Variants in AKAP10 observed in about 807,000 individuals in gnomAD.
AKAP10 encodes A-kinase anchoring protein 10.
In AKAP10, 24 loss-of-function variants were observed where a neutral mutation model predicts 80.8. The ratio of observed to expected loss-of-function variants is 0.30; its 90% CI spans 0.22 to 0.42. The LOEUF is 0.42. Ranked by LOEUF, AKAP10 falls within the 10% of genes least tolerant of loss-of-function variation. AKAP10 has a pLI of 1.00. For synonymous variants in AKAP10, 291 were observed against 277.7 expected, an observed-to-expected ratio of 1.05 and a Z score of -0.48; for missense variants, 661 against 794.9, an observed-to-expected ratio of 0.83 and a Z score of 2.03.
chr17:19,942,971 C>T (rs2043065498), intron 5 of AKAP10, among the ~76,000 whole-genome samples: 2 of 152,038 alleles, frequency 1.3e-5, no homozygotes, highest in Non-Finnish European at 2.9e-5. Flanking sequence ...ACGATCATGG[C>T]TCACTGCTGC....
chr17:19,958,200 T>G lies in AKAP10; in HGVS notation c.691A>C (p.Ser231Arg), dbSNP rs144482110. Reference sequence around the variant, plus strand: ...GAAAGCAGCAAGTGATTCTGAGTGCTGTTAGTTCTATTATTCAGGTCAATT... The same window carrying G: ...GAAAGCAGCAAGTGATTCTGAGTGCGGTTAGTTCTATTATTCAGGTCAATT... ...EGIDLNNRTNSTQNHLLLSQE... is the reference protein window; with the variant it reads ...EGIDLNNRTNRTQNHLLLSQE... Residue 231 changes from serine (S) to arginine (R), a missense_variant, in exon 4 of 15, where the codon AGC (serine) becomes CGC (arginine). Physicochemically the swap from Ser to Arg is moderately radical, Grantham distance 110. Coordinates refer to ENST00000225737, the MANE Select transcript of AKAP10 (RefSeq NM_007202.4). The G allele has an allele frequency of 4.1e-5, 66 of 1,614,086 alleles. No individual in the cohort carries two copies. The African/African-American group carries it at 8.4e-4, about 21-fold the overall frequency.
intron 13 of AKAP10, 40 bp from the exon 14 acceptor site, chr17:19,909,316 T>C (rs1318115760): frequency 6.4e-7 from 1 of 1,552,198 alleles, no homozygotes; most frequent in South Asian, 1.1e-5. Context: ...TGGTTATTCA[T>C]TAGATGGATC....
At chr17:19,962,293 TATACACACAC>T (rs2043361338) in intron 3 of AKAP10, among the ~76,000 whole-genome samples, 11 of 132,068 alleles carry the variant, frequency 8.3e-5, no homozygotes, top group African/African-American at 2.6e-4. Context: ...CATACATACA[TATACACACAC>T]ACACACACAC....
intron 8 of AKAP10, among the ~76,000 whole-genome samples, chr17:19,936,866 T>C (rs1242943629): frequency 6.6e-6 from 1 of 152,026 alleles, no homozygotes; most frequent in African/African-American, 2.4e-5. Flanking sequence ...TAAGAACACA[T>C]CATCATAACT....
In AKAP10 at chr17:19,936,129, T is replaced by G. The variant is rs535200395; in HGVS notation, c.1467+157A>C. The G allele has an allele frequency of 6.9e-6, 5 of 729,318 alleles. No individual in the cohort carries two copies. In the East Asian group the frequency reaches 1.4e-4, roughly 20 times the overall value. 45.2% of individuals were successfully genotyped at this position (729,318 alleles called of 1,614,324 possible). On this transcript the variant is annotated intron_variant, in intron 9 of 14. Transcript: ENST00000225737. ...TAAAATGTTATGTGGCACGTGACTG[T>G]ACATACCAGGCCAGACTCAAGGCCT... is the stretch of plus-strand genomic sequence containing the variant.
At chr17:19,911,767 G>A (rs977927703) in intron 12 of AKAP10, among the ~76,000 whole-genome samples, 1 of 145,844 alleles carries the variant, frequency 6.9e-6, no homozygotes, top group Non-Finnish European at 1.5e-5. Context: ...CCTGGGAGGT[G>A]GAGGTTGTGG....
At chr17:19,972,451 G>C (rs2043509907) in intron 1 of AKAP10, among the ~76,000 whole-genome samples, 1 of 151,946 alleles carries the variant, frequency 6.6e-6, no homozygotes. Flanking sequence ...TAGGTTTTTT[G>C]CTTTGTTTTG....
At position 19,960,285 on chromosome 17, in the gene AKAP10, G is replaced by A. The variant is rs533580182; in HGVS notation, c.320-1714C>T. Among the ~76,000 whole-genome samples, 11 of 152,214 alleles carry A rather than the reference G, an allele frequency of 7.2e-5. No individual in the cohort carries two copies. The South Asian group carries it at 2.3e-3, about 32-fold the overall frequency. On this transcript the variant is annotated intron_variant, in intron 3 of 14. Coordinates refer to ENST00000225737, the MANE Select transcript of AKAP10 (RefSeq NM_007202.4). ...TCACATTGAGATTTCTGCATCCACTGCCAAGATACAACTTCAACATCACAA... is the reference window on the plus strand; with the variant it reads ...TCACATTGAGATTTCTGCATCCACTACCAAGATACAACTTCAACATCACAA...
intron 9 of AKAP10, among the ~76,000 whole-genome samples, chr17:19,934,976 C>T (rs186382091): frequency 1.5e-3 from 221 of 152,290 alleles, no homozygotes; most frequent in African/African-American, 5.1e-3. Flanking sequence ...TGTGCAACTG[C>T]ACTCCAGCCT....
At chr17:19,933,908 ACTTTT>A (rs1376006859) in intron 9 of AKAP10, among the ~76,000 whole-genome samples, 1 of 152,088 alleles carries the variant, frequency 6.6e-6, no homozygotes, top group Non-Finnish European at 1.5e-5. Flanking sequence ...TCAATACTTT[ACTTTT>A]ATTTATTTAT....
rs117537791 is a variant in AKAP10 at position 19,961,033 on chromosome 17, C to T, written c.319+1807G>A. ...CTCCGTCTACAAATAAATAAACAAA[C>T]AAACAAACAAACAAACAAACTGCCT... is the stretch of plus-strand genomic sequence containing the variant. On this transcript the variant is annotated intron_variant, in intron 3 of 14. Transcript: ENST00000225737. 2.7e-3 allele frequency among the ~76,000 whole-genome samples: 400 copies of T among 148,810 alleles called. 15 individuals carry two copies. The East Asian group carries it at 0.075, about 28-fold the overall frequency.
chr17:19,946,262 T>A (rs2043122942), intron 5 of AKAP10, among the ~76,000 whole-genome samples: 1 of 29,662 alleles, frequency 3.4e-5, no homozygotes, highest in Non-Finnish European at 5.9e-5. Context: ...TATATATATA[T>A]ATATATATAT....
chr17:19,914,671 A>G, intron 12 of AKAP10, among the ~76,000 whole-genome samples: 1 of 151,744 alleles, frequency 6.6e-6, no homozygotes, highest in African/African-American at 2.4e-5. Context: ...AAAGAAAAGA[A>G]AGAAGTGGTA....
intron 3 of AKAP10, among the ~76,000 whole-genome samples, 190 bp downstream of exon 3, chr17:19,962,650 C>T (rs1027873707): frequency 3.3e-5 from 5 of 152,136 alleles, no homozygotes; most frequent in Non-Finnish European, 7.3e-5. Context: ...TGTTTTTCTA[C>T]TGGGCATGCT....
intron 5 of AKAP10, among the ~76,000 whole-genome samples, chr17:19,946,302 C>A (rs2043131043): frequency 3.5e-5 from 1 of 28,274 alleles, no homozygotes; most frequent in South Asian, 1.4e-3. Context: ...TTTTTTTTGG[C>A]AGGGGGTGAG....
chr17:19,950,752 GTC>G (rs764547140), intron 4 of AKAP10, among the ~76,000 whole-genome samples: 1 of 151,546 alleles, frequency 6.6e-6, no homozygotes, highest in Non-Finnish European at 1.5e-5. Flanking sequence ...AGTGAGGAGC[GTC>G]TCTGCCTAGC....
At chr17:19,950,387 C>T (rs1179245917) in intron 4 of AKAP10, among the ~76,000 whole-genome samples, 1 of 152,282 alleles carries the variant, frequency 6.6e-6, no homozygotes, top group Non-Finnish European at 1.5e-5. Context: ...CTGCCGCCAT[C>T]TCGGCTCACT....
intron 3 of AKAP10, among the ~76,000 whole-genome samples, chr17:19,959,006 C>G (rs1000094371): frequency 6.6e-6 from 1 of 151,958 alleles, no homozygotes; most frequent in African/African-American, 2.4e-5. Flanking sequence ...GCACCCGCCA[C>G]CACGCTGAGC....
intron 3 of AKAP10, among the ~76,000 whole-genome samples, chr17:19,959,673 A>T (rs1017169040): frequency 1.3e-5 from 2 of 152,346 alleles, no homozygotes; most frequent in Admixed American, 6.5e-5. Flanking sequence ...AAATTTTTTT[A>T]AAAATTGGCT....
Sources: gnomAD v4.1 joint callset for allele counts (sites outside exome capture counted in the v4.1 genomes callset) on GRCh38, gnomAD v4.1.1 for gene constraint, MANE v1.5 for transcripts, NCBI Gene and HGNC (gene_info 2026-07-23, HGNC 2026-07-21) for gene names.